The following KCNH1 variants were observed in gnomAD, a reference collection of about 807,000 sequenced individuals.
The protein encoded by KCNH1 is voltage-gated delayed rectifier potassium channel KCNH1.
Under a neutral mutation model 69.2 loss-of-function variants are expected in KCNH1, and 27 were observed. The observed-to-expected ratio is 0.39, with a 90% confidence interval of 0.29 to 0.54. KCNH1 has a LOEUF of 0.54. Among genes scored for constraint, KCNH1 ranks in the 20% least tolerant of loss-of-function variants. The pLI is 0.68. For synonymous variants in KCNH1, 456 were observed against 487.7 expected (o/e 0.93, Z 0.86); for missense variants, 798 against 1,261.6 (o/e 0.63, Z 5.57).
At chr1:210,731,838 T>C (rs1482118039) in intron 10 of KCNH1, among the ~76,000 whole-genome samples, 1 of 152,144 alleles carries the variant, frequency 6.6e-6, no homozygotes, top group African/African-American at 2.4e-5. Context: ...AAGTTTGCCC[T>C]GCCTAATTCC....
At chr1:210,726,813 G>C (rs893710166) in intron 10 of KCNH1, among the ~76,000 whole-genome samples, 36 of 150,826 alleles carry the variant, frequency 2.4e-4, no homozygotes, top group African/African-American at 8.4e-4. Context: ...TCCCCGGCGG[G>C]GGTGGGGTGG....
chr1:210,959,642 G>A (rs1320450726), intron 6 of KCNH1, among the ~76,000 whole-genome samples: 1 of 152,202 alleles, frequency 6.6e-6, no homozygotes, highest in Non-Finnish European at 1.5e-5. Context: ...ACAGGCTGCA[G>A]CCTCACAGGT....
chr1:211,122,158 TG>T (rs1396195499), intron 1 of KCNH1, among the ~76,000 whole-genome samples: 9 of 148,102 alleles, frequency 6.1e-5, no homozygotes, highest in Non-Finnish European at 1.2e-4. Context: ...CATCGAAAAG[TG>T]GACAAAGGAT....
chr1:210,935,128 A>T (rs1687754204), intron 6 of KCNH1, among the ~76,000 whole-genome samples: 1 of 24,696 alleles, frequency 4.0e-5, no homozygotes, highest in Non-Finnish European at 8.0e-5. Context: ...TGTCACACAC[A>T]CACACACACA....
intron 3 of KCNH1, among the ~76,000 whole-genome samples, chr1:211,096,626 T>G (rs549970104): frequency 6.6e-6 from 1 of 152,318 alleles, no homozygotes. Flanking sequence ...AAGACCTAAA[T>G]AAATGGAGAG....
Position 211,134,146 on chromosome 1 carries a change from T to C in KCNH1, c.-201A>G, listed in dbSNP as rs1026207636. The C allele has an allele frequency of 7.1e-6, 3 of 422,832 alleles. No individual in the cohort carries two copies. The highest frequency in any genetic ancestry group is 4.6e-5 in the Admixed American group (1 of 21,734). 26.2% of individuals were successfully genotyped at this position (422,832 alleles called of 1,614,324 possible). ...TCCCTCCCTGCGGCCCGCCTCGCAG[T>C]GCACTCGCGCCGGCCTCGGCTAGCG... On this transcript the variant is annotated 5_prime_UTR_variant, in exon 1 of 11. Coordinates refer to ENST00000271751, the MANE Select transcript of KCNH1 (RefSeq NM_172362.3). This position sits in a 1 kb window ranked among gnomAD's most constrained non-coding sequence, Gnocchi z 5.7.
At chr1:210,858,892 G>A (rs1685914066) in intron 7 of KCNH1, 2 of 299,010 alleles carry the variant, frequency 6.7e-6, no homozygotes, top group African/African-American at 2.1e-5. Context: ...GTGTCACTTT[G>A]AAGCTTCAGA....
At position 211,037,613 on chromosome 1, in the gene KCNH1, A is replaced by G. The variant is rs1689921407; in HGVS notation, c.559-18357T>C. ...ATCTTATGCAACCAGCTCCTGGTCA[A>G]AGGCACCATCTCCCACTGTGGACCT... On this transcript the variant is annotated intron_variant, in intron 5 of 10. Coordinates refer to ENST00000271751, the MANE Select transcript of KCNH1 (RefSeq NM_172362.3). 2.6e-5 allele frequency among the ~76,000 whole-genome samples: 4 copies of G among 151,812 alleles called. No individual in the cohort carries two copies. The South Asian group carries it at 8.3e-4, about 32-fold the overall frequency.
rs189188720 is a variant in KCNH1 at position 210,864,607 on chromosome 1, G to A, written c.1462+55033C>T. ...GTGCCCAAATCCTACCTCTATGGAG[G>A]GAGTGAGACACTTGGACAACAACAA... On this transcript the variant is annotated intron_variant, in intron 7 of 10. Coordinates refer to ENST00000271751, the MANE Select transcript of KCNH1 (RefSeq NM_172362.3). 6.5e-4 allele frequency among the ~76,000 whole-genome samples: 99 copies of A among 152,276 alleles called. 1 individual carries two copies. The highest frequency in any genetic ancestry group is 6.5e-3 in the Admixed American group (99 of 15,294).
intron 10 of KCNH1, among the ~76,000 whole-genome samples, chr1:210,739,715 G>C (rs1682970048): frequency 1.3e-5 from 2 of 152,210 alleles, no homozygotes. Context: ...AGTTGTATTT[G>C]GAAATTGGCC....
At chr1:210,689,964 G>T (rs1681493119) in intron 10 of KCNH1, among the ~76,000 whole-genome samples, 2 of 152,332 alleles carry the variant, frequency 1.3e-5, no homozygotes, top group East Asian at 3.9e-4. Context: ...CTACTCTGCT[G>T]TCCCCTGTGC....
chr1:211,023,681 G>A (rs1689630852), intron 5 of KCNH1, among the ~76,000 whole-genome samples: 1 of 152,008 alleles, frequency 6.6e-6, no homozygotes, highest in Non-Finnish European at 1.5e-5. Context: ...TGATAGGGAA[G>A]CGTTGGTTAA....
intron 10 of KCNH1, among the ~76,000 whole-genome samples, chr1:210,688,790 G>A (rs1681465527): frequency 1.3e-5 from 2 of 152,160 alleles, no homozygotes; most frequent in Non-Finnish European, 2.9e-5. Flanking sequence ...TCACATCACA[G>A]ATCCTTAGTC....
intron 5 of KCNH1, among the ~76,000 whole-genome samples, chr1:211,071,695 C>A (rs1483136150): frequency 1.3e-5 from 2 of 152,092 alleles, no homozygotes; most frequent in East Asian, 3.9e-4. Context: ...TTTATGCATT[C>A]ATGACATACC....
At chr1:210,716,708 A>G (rs1682261771) in intron 10 of KCNH1, among the ~76,000 whole-genome samples, 1 of 152,128 alleles carries the variant, frequency 6.6e-6, no homozygotes, top group Non-Finnish European at 1.5e-5. Flanking sequence ...GTGATGACCA[A>G]ATTGTCTCTG....
At chr1:210,840,301 G>C (rs1201635286) in intron 7 of KCNH1, among the ~76,000 whole-genome samples, 2 of 151,056 alleles carry the variant, frequency 1.3e-5, no homozygotes, top group South Asian at 4.2e-4. Context: ...AAAATAAAAC[G>C]AAAAAAAACA....
chr1:210,943,701 G>T (rs1213922639), intron 6 of KCNH1, among the ~76,000 whole-genome samples: 1 of 152,094 alleles, frequency 6.6e-6, no homozygotes, highest in Non-Finnish European at 1.5e-5. Context: ...GCACCAAGTG[G>T]CAGAATGAAA....
intron 7 of KCNH1, among the ~76,000 whole-genome samples, chr1:210,831,930 T>A (rs1388597988): frequency 6.6e-6 from 1 of 152,218 alleles, no homozygotes; most frequent in Non-Finnish European, 1.5e-5. Flanking sequence ...ACATGGCTCT[T>A]GAGTCCTTGA....
At chr1:210,814,977 GA>G (rs1684782779) in intron 7 of KCNH1, among the ~76,000 whole-genome samples, 2 of 152,138 alleles carry the variant, frequency 1.3e-5, no homozygotes, top group Admixed American at 1.3e-4. Context: ...TAATGCTGTT[GA>G]CAAGCTACTG....
Sources: gnomAD v4.1 joint callset for allele counts (sites outside exome capture counted in the v4.1 genomes callset) on GRCh38, gnomAD v4.1.1 for gene constraint, Gnocchi (gnomAD v3.1) non-coding constraint, MANE v1.5 for transcripts, NCBI Gene and HGNC (gene_info 2026-07-23, HGNC 2026-07-21) for gene names.